Variants in NALCN observed in about 807,000 individuals in gnomAD.
The protein encoded by NALCN is sodium leak channel NALCN.
NALCN carries 111 observed loss-of-function variants against 225.3 expected under a neutral mutation model. That is an observed-to-expected ratio of 0.49 (90% CI 0.42 to 0.58). The LOEUF is 0.58. Ranked by LOEUF, NALCN falls within the 20% of genes least tolerant of loss-of-function variation. The pLI, the probability that NALCN is intolerant of heterozygous loss-of-function variation, is 0.00. For missense variants in NALCN, 1,378 were observed against 2,202.4 expected, an observed-to-expected ratio of 0.63 and a Z score of 7.49; for synonymous variants, 764 against 769.0, an observed-to-expected ratio of 0.99 and a Z score of 0.11.
chr13:101,227,360 G>A (rs1158300080), intron 13 of NALCN, among the ~76,000 whole-genome samples: 1 of 152,072 alleles, frequency 6.6e-6, no homozygotes, highest in East Asian at 1.9e-4. Context: ...AGCATACCCC[G>A]AGAATGACCC....
In NALCN at chr13:101,399,175, G is replaced by A; in HGVS notation, c.-39-10C>T. The A allele has an allele frequency of 6.2e-7, 1 of 1,605,698 alleles. No homozygotes were observed. ...AGCACAAAACCACAGTCTGGGAAAA[G>A]GAAAAGTTGTATTTGTCATCTAAAC... On this transcript the variant is annotated splice_polypyrimidine_tract_variant and intron_variant, in intron 1 of 43. Coordinates refer to ENST00000251127, the MANE Select transcript of NALCN (RefSeq NM_052867.4).
At position 101,292,482 on chromosome 13, in the gene NALCN, T is replaced by A; in HGVS notation, c.800-116A>T. 1 of 1,086,062 alleles carries A rather than the reference T, an allele frequency of 9.2e-7. No individual in the cohort carries two copies. Among genetic ancestry groups the A allele is most frequent in the Non-Finnish European group, 1.3e-6 (1 of 782,636 alleles). The allele number at this position is 1,086,062 out of a possible 1,614,324, so 67.3% of individuals were successfully genotyped here. ...TTATTTTCTCAATGACAAAAGTGCT[T>A]CAAAAATTGATTAGAATCACATGCA... On this transcript the variant is annotated intron_variant, in intron 7 of 43. Coordinates refer to ENST00000251127, the MANE Select transcript of NALCN (RefSeq NM_052867.4). This position sits in a 1 kb window ranked among gnomAD's most constrained non-coding sequence, Gnocchi z 4.3.
intron 15 of NALCN, among the ~76,000 whole-genome samples, chr13:101,153,059 T>C (rs902452501): frequency 2.0e-5 from 3 of 151,940 alleles, no homozygotes; most frequent in African/African-American, 7.2e-5. Context: ...ATTTTTCTCT[T>C]TTTTTTAATT....
At chr13:101,252,315 T>G (rs549880470) in intron 11 of NALCN, among the ~76,000 whole-genome samples, 1 of 152,198 alleles carries the variant, frequency 6.6e-6, no homozygotes. Context: ...AAATTTTATA[T>G]CCATGTGAAA....
At chr13:101,069,237 T>A (rs2032663101) in intron 37 of NALCN, among the ~76,000 whole-genome samples, 1 of 152,264 alleles carries the variant, frequency 6.6e-6, no homozygotes, top group Admixed American at 6.5e-5. Context: ...TCTACAGGTA[T>A]ACCTCGGAGA....
chr13:101,282,941 T>G (rs961312652), intron 10 of NALCN, among the ~76,000 whole-genome samples: 16 of 152,120 alleles, frequency 1.1e-4, no homozygotes, highest in Non-Finnish European at 1.6e-4. Flanking sequence ...AGTCCCTATC[T>G]GGAGAAAGAC....
At chr13:101,067,833 G>T in intron 39 of NALCN, 85 bp downstream of exon 39, 1 of 928,288 alleles carries the variant, frequency 1.1e-6, no homozygotes, top group Admixed American at 2.2e-5. Context: ...TGTGTCATTT[G>T]CCAACCTGAA....
At chr13:101,389,219 A>G (rs1340108375) in intron 3 of NALCN, among the ~76,000 whole-genome samples, 1 of 152,244 alleles carries the variant, frequency 6.6e-6, no homozygotes, top group African/African-American at 2.4e-5. Context: ...TCCATAAACC[A>G]GTAGATTTCC....
chr13:101,400,571 G>GTC (rs1566654989), intron 1 of NALCN, among the ~76,000 whole-genome samples: 2 of 131,126 alleles, frequency 1.5e-5, no homozygotes, highest in African/African-American at 6.6e-5. Context: ...GTGTGTGTGT[G>GTC]TGTGTGTGTG....
chr13:101,336,002 C>T (rs80283553), intron 7 of NALCN, among the ~76,000 whole-genome samples: 2 of 152,102 alleles, frequency 1.3e-5, no homozygotes, highest in East Asian at 3.9e-4. Flanking sequence ...TTTCTTTCAT[C>T]ATATTTTATG....
intron 15 of NALCN, among the ~76,000 whole-genome samples, chr13:101,174,283 G>T (rs535088536): frequency 1.6e-4 from 24 of 152,218 alleles, no homozygotes; most frequent in African/African-American, 5.3e-4. Flanking sequence ...CAAATACCCA[G>T]AGTATATGGT....
At chr13:101,160,356 T>C (rs946374474) in intron 15 of NALCN, among the ~76,000 whole-genome samples, 3 of 152,102 alleles carry the variant, frequency 2.0e-5, no homozygotes, top group African/African-American at 7.2e-5. Flanking sequence ...GCGCTTATCA[T>C]AAAGCAGAGA....
intron 10 of NALCN, among the ~76,000 whole-genome samples, chr13:101,262,437 C>A (rs1034494720): frequency 6.6e-6 from 1 of 152,118 alleles, no homozygotes; most frequent in Non-Finnish European, 1.5e-5. Flanking sequence ...GAGAGAGAAG[C>A]AGACCTATGG....
At chr13:101,327,014 A>T (rs2044977997) in intron 7 of NALCN, among the ~76,000 whole-genome samples, 1 of 152,140 alleles carries the variant, frequency 6.6e-6, no homozygotes, top group Non-Finnish European at 1.5e-5. Context: ...AAACTTGCAC[A>T]ATGCCACTCT....
intron 7 of NALCN, among the ~76,000 whole-genome samples, chr13:101,303,715 G>A (rs2044052380): frequency 6.6e-6 from 1 of 152,130 alleles, no homozygotes; most frequent in South Asian, 2.1e-4. Flanking sequence ...CTTATGCCTG[G>A]AATAAAATGT....
chr13:101,123,341 T>A (rs1295613989), intron 18 of NALCN, among the ~76,000 whole-genome samples: 2 of 152,186 alleles, frequency 1.3e-5, no homozygotes, highest in Non-Finnish European at 2.9e-5. Context: ...TGAATTTCTC[T>A]TTTTAGTGAG....
At chr13:101,323,614 C>CATGTAATCTTATAAG (rs1375250882) in intron 7 of NALCN, among the ~76,000 whole-genome samples, 2 of 152,196 alleles carry the variant, frequency 1.3e-5, no homozygotes, top group African/African-American at 4.8e-5. Context: ...TAAAGTCTGA[C>CATGTAATCTTATAAG]ATGTAAATCT....
intron 3 of NALCN, among the ~76,000 whole-genome samples, chr13:101,380,233 C>T (rs892954572): frequency 7.1e-6 from 1 of 141,190 alleles, no homozygotes; most frequent in East Asian, 1.9e-4. Context: ...GAATTCAAGA[C>T]TAACAAAAAA....
chr13:101,074,725 A>G, intron 35 of NALCN, 63 bp from the exon 36 acceptor site: 1 of 1,460,470 alleles, frequency 6.8e-7, no homozygotes, highest in Non-Finnish European at 9.1e-7. Context: ...AGAGACAGAG[A>G]GAGAGAGAGA....
Sources: gnomAD v4.1 joint callset for allele counts (sites outside exome capture counted in the v4.1 genomes callset) on GRCh38, gnomAD v4.1.1 for gene constraint, Gnocchi (gnomAD v3.1) non-coding constraint, MANE v1.5 for transcripts, NCBI Gene and HGNC (gene_info 2026-07-23, HGNC 2026-07-21) for gene names.